The following KCNT2 variants were observed in gnomAD, a reference collection of about 807,000 sequenced individuals.
KCNT2 encodes potassium sodium-activated channel subfamily T member 2.
In KCNT2, 67 loss-of-function variants were observed where a neutral mutation model predicts 153.8. That is an observed-to-expected ratio of 0.44 (90% CI 0.36 to 0.53). The LOEUF (loss-of-function observed/expected upper bound fraction) is 0.53, where lower values mean the gene tolerates loss of function less well. KCNT2 is among the 20% of genes least tolerant of loss of function. KCNT2 has a pLI of 0.00. For synonymous variants in KCNT2, 500 were observed against 458.8 expected (o/e 1.09, Z -1.15); for missense variants, 975 against 1,354.8 (o/e 0.72, Z 4.40).
Position 196,227,695 on chromosome 1 carries a change from AT to A in KCNT2, c.*528del, listed in dbSNP as rs1653598947. 6.6e-6 allele frequency: 1 copy of A among 152,586 alleles called. No homozygotes were observed. Among genetic ancestry groups the A allele is most frequent in the Non-Finnish European group, 1.5e-5 (1 of 67,986 alleles). The allele number at this position is 152,586 out of a possible 1,614,324, so 9.5% of individuals were successfully genotyped here. On this transcript the variant is annotated 3_prime_UTR_variant, in exon 28 of 28. Transcript: ENST00000294725. ...AAGTTAAAATGACTTAAAGATTTGTATTCTAAAGCAAACTATGATTCTTACA... is the reference window on the plus strand; with the variant it reads ...AAGTTAAAATGACTTAAAGATTTGTATCTAAAGCAAACTATGATTCTTACA...
chr1:196,503,673 C>T (rs1189134345), intron 1 of KCNT2, among the ~76,000 whole-genome samples: 1 of 152,042 alleles, frequency 6.6e-6, no homozygotes, highest in Non-Finnish European at 1.5e-5. Flanking sequence ...GAGAGGGAAC[C>T]AATAGGTCTC....
Position 196,285,699 on chromosome 1 carries a change from C to T in KCNT2, c.2655G>A (p.Gly885=), listed in dbSNP as rs1300255005. 1 of 1,613,400 alleles carries T rather than the reference C, an allele frequency of 6.2e-7. No homozygotes were observed. The highest frequency in any genetic ancestry group is 8.5e-7 in the Non-Finnish European group (1 of 1,179,384). ...CCAACATACTGATGCTAAACACCCT[C>T]CCAGCAGCAAAAGGCAGTCGAAACA... ...AFMFRLPFAA[G]RVFSISMLDT... Residue 885 remains glycine (G), a synonymous_variant, in exon 23 of 28, where the codon GGG becomes GGA. Transcript: ENST00000294725.
At chr1:196,534,487 T>C (rs1655311072) in intron 1 of KCNT2, among the ~76,000 whole-genome samples, 1 of 152,252 alleles carries the variant, frequency 6.6e-6, no homozygotes. Context: ...GAAACAGAAA[T>C]GCTTATGTCT....
chr1:196,386,986 C>T (rs1279456942), intron 13 of KCNT2, among the ~76,000 whole-genome samples: 1 of 151,898 alleles, frequency 6.6e-6, no homozygotes, highest in Non-Finnish European at 1.5e-5. Context: ...GTTTTGTAGT[C>T]TATATAAACA....
chr1:196,365,662 T>G (rs1200851957), intron 14 of KCNT2, among the ~76,000 whole-genome samples: 1 of 152,210 alleles, frequency 6.6e-6, no homozygotes, highest in Non-Finnish European at 1.5e-5. Flanking sequence ...GTCATGAAAT[T>G]GTGATGTTTT....
At chr1:196,375,426 G>A (rs533407486) in intron 13 of KCNT2, among the ~76,000 whole-genome samples, 4 of 151,678 alleles carry the variant, frequency 2.6e-5, no homozygotes, top group Non-Finnish European at 4.4e-5. Context: ...ATGCAACTGC[G>A]GTGTAAATTA....
chr1:196,550,260 T>G (rs1349117672), intron 1 of KCNT2, among the ~76,000 whole-genome samples: 1 of 151,818 alleles, frequency 6.6e-6, no homozygotes, highest in African/African-American at 2.4e-5. Context: ...TTTCTCAGCA[T>G]GAGTGAGAGA....
At chr1:196,505,920 T>G (rs907991100) in intron 1 of KCNT2, among the ~76,000 whole-genome samples, 2 of 152,074 alleles carry the variant, frequency 1.3e-5, no homozygotes, top group African/African-American at 4.8e-5. Context: ...TTGTGATTTT[T>G]GTACGTTGAT....
At chr1:196,263,212 G>A (rs1167288972) in intron 25 of KCNT2, among the ~76,000 whole-genome samples, 9 of 150,268 alleles carry the variant, frequency 6.0e-5, no homozygotes, top group African/African-American at 2.2e-4. Flanking sequence ...TCTGGGGTAC[G>A]TGTGCAGAAC....
chr1:196,597,548 T>C (rs1171537478), intron 1 of KCNT2, among the ~76,000 whole-genome samples: 2 of 152,138 alleles, frequency 1.3e-5, no homozygotes, highest in East Asian at 1.9e-4. Flanking sequence ...TGTACACTAA[T>C]CAAAGATCCA....
chr1:196,407,678 T>C (rs546849323), intron 12 of KCNT2, among the ~76,000 whole-genome samples: 1 of 151,518 alleles, frequency 6.6e-6, no homozygotes, highest in Non-Finnish European at 1.5e-5. Flanking sequence ...ATTTCAGCTC[T>C]TTTCTCATGC....
At chr1:196,279,738 A>G (rs1327350905) in intron 25 of KCNT2, among the ~76,000 whole-genome samples, 1 of 151,876 alleles carries the variant, frequency 6.6e-6, no homozygotes, top group Non-Finnish European at 1.5e-5. Flanking sequence ...ACATAGCTCC[A>G]TTTAACACTC....
At chr1:196,600,387 A>C (rs1664589833) in intron 1 of KCNT2, among the ~76,000 whole-genome samples, 1 of 152,242 alleles carries the variant, frequency 6.6e-6, no homozygotes, top group African/African-American at 2.4e-5. Context: ...GGTTGGCTGC[A>C]AGGCATGCAA....
chr1:196,513,728 C>T (rs1176658441), intron 1 of KCNT2, among the ~76,000 whole-genome samples: 2 of 152,174 alleles, frequency 1.3e-5, no homozygotes, highest in African/African-American at 4.8e-5. Context: ...GTACCCTCTA[C>T]TCCTTTCACA....
At chr1:196,529,488 T>G (rs926944485) in intron 1 of KCNT2, among the ~76,000 whole-genome samples, 1 of 152,174 alleles carries the variant, frequency 6.6e-6, no homozygotes, top group Admixed American at 6.6e-5. Context: ...TATGATCTTC[T>G]GCTCAGATAC....
chr1:196,343,660 G>A (rs1665876905), intron 14 of KCNT2, among the ~76,000 whole-genome samples: 1 of 152,120 alleles, frequency 6.6e-6, no homozygotes, highest in African/African-American at 2.4e-5. Context: ...CCTCATTGCT[G>A]CCTCATTCCT....
intron 8 of KCNT2, among the ~76,000 whole-genome samples, chr1:196,451,314 C>A (rs1357855255): frequency 7.3e-6 from 1 of 136,184 alleles, no homozygotes; most frequent in Non-Finnish European, 1.6e-5. Context: ...AATCTCAGCT[C>A]ACTGCAACCT....
chr1:196,390,378 A>G lies in KCNT2; in HGVS notation c.1294+8185T>C, dbSNP rs955534055. 2.6e-5 allele frequency among the ~76,000 whole-genome samples: 4 copies of G among 151,524 alleles called. No individual in the cohort carries two copies. The Admixed American group carries it at 2.6e-4, about 10-fold the overall frequency. On this transcript the variant is annotated intron_variant, in intron 13 of 27. Coordinates refer to ENST00000294725, the MANE Select transcript of KCNT2 (RefSeq NM_198503.5). ...AACAGAATTTATATTAAGTGTGAAG[A>G]TATATGAAAAAGTGAGAGTAGCAAA...
chr1:196,362,675 G>A (rs1185227014), intron 14 of KCNT2, among the ~76,000 whole-genome samples: 2 of 152,024 alleles, frequency 1.3e-5, no homozygotes, highest in Admixed American at 6.6e-5. Flanking sequence ...AAACCTCCTC[G>A]AGTTAAGCTA....
Sources: gnomAD v4.1 joint callset for allele counts (sites outside exome capture counted in the v4.1 genomes callset) on GRCh38, gnomAD v4.1.1 for gene constraint, MANE v1.5 for transcripts, NCBI Gene and HGNC (gene_info 2026-07-23, HGNC 2026-07-21) for gene names.